Variants in KDM4C observed in about 807,000 individuals in gnomAD.
KDM4C encodes the protein lysine demethylase 4C.
A neutral mutation model predicts 129.3 loss-of-function variants in KDM4C; 81 were observed. The observed-to-expected ratio is 0.63, with a 90% confidence interval of 0.52 to 0.75. KDM4C has a LOEUF of 0.75. Among genes scored for constraint, KDM4C ranks in the 30% least tolerant of loss-of-function variants. The pLI is 0.00. For synonymous variants in KDM4C, 573 were observed against 456.1 expected, an observed-to-expected ratio of 1.26 and a Z score of -3.26; for missense variants, 1,457 against 1,304.0, an observed-to-expected ratio of 1.12 and a Z score of -1.81.
At chr9:7,135,931 A>T (rs943457869) in intron 19 of KDM4C, among the ~76,000 whole-genome samples, 31 of 152,210 alleles carry the variant, frequency 2.0e-4, no homozygotes, top group African/African-American at 7.2e-4. Context: ...GCTGCTCCAC[A>T]CTGATGCAGT....
At chr9:7,093,343 T>C (rs1455033218) in intron 17 of KDM4C, among the ~76,000 whole-genome samples, 1 of 152,118 alleles carries the variant, frequency 6.6e-6, no homozygotes, top group Non-Finnish European at 1.5e-5. Flanking sequence ...ATAATCAGGG[T>C]TTATGCTCCA....
chr9:7,123,737 G>A (rs1839746694), intron 18 of KDM4C, among the ~76,000 whole-genome samples: 1 of 152,180 alleles, frequency 6.6e-6, no homozygotes, highest in Admixed American at 6.5e-5. Context: ...CCCTGGGGAT[G>A]GAGAGGAGAC....
At chr9:7,123,143 AG>A (rs1286782348) in intron 18 of KDM4C, among the ~76,000 whole-genome samples, 2 of 152,178 alleles carry the variant, frequency 1.3e-5, no homozygotes, top group African/African-American at 4.8e-5. Flanking sequence ...ATTTAGATGA[AG>A]GTTGTGTATT....
chr9:6,754,437 T>C (rs1406888342), upstream of KDM4C, among the ~76,000 whole-genome samples: 2 of 152,186 alleles, frequency 1.3e-5, no homozygotes, highest in African/African-American at 4.8e-5. Flanking sequence ...GGTCTTGAAC[T>C]CCTGACCTTA....
At chr9:7,072,267 AC>A (rs951996207) in intron 17 of KDM4C, among the ~76,000 whole-genome samples, 22 of 152,206 alleles carry the variant, frequency 1.4e-4, no homozygotes, top group Admixed American at 9.2e-4. Flanking sequence ...AATTAAACTT[AC>A]AATTTAGCAT....
At chr9:6,762,019 C>T (rs1299868845) in intron 1 of KDM4C, among the ~76,000 whole-genome samples, 5 of 151,922 alleles carry the variant, frequency 3.3e-5, no homozygotes, top group East Asian at 3.9e-4. Flanking sequence ...AGGATGGTCT[C>T]GATCTCCTGA....
intron 7 of KDM4C, among the ~76,000 whole-genome samples, chr9:6,889,924 G>A (rs1845881666): frequency 6.6e-6 from 1 of 152,210 alleles, no homozygotes; most frequent in South Asian, 2.1e-4. Flanking sequence ...CTCTCTACCA[G>A]TACTACATGG....
At chr9:6,857,803 G>A (rs1840141130) in intron 5 of KDM4C, among the ~76,000 whole-genome samples, 1 of 149,534 alleles carries the variant, frequency 6.7e-6, no homozygotes, top group Admixed American at 6.7e-5. Flanking sequence ...TGCTCAGATT[G>A]GAGTGCAGTG....
intron 15 of KDM4C, among the ~76,000 whole-genome samples, chr9:7,044,964 AGTGTT>A (rs1171574394): frequency 6.6e-6 from 1 of 152,012 alleles, no homozygotes; most frequent in Non-Finnish European, 1.5e-5. Context: ...AAGGATCAAC[AGTGTT>A]GTATGGTGCT....
intron 17 of KDM4C, among the ~76,000 whole-genome samples, chr9:7,098,900 T>TA (rs59999374): frequency 0.16 from 24,177 of 152,156 alleles, 2,543 homozygotes; most frequent in Admixed American, 0.29. Context: ...CAGGTAGGGT[T>TA]AAAAATCAAA....
intron 2 of KDM4C, among the ~76,000 whole-genome samples, chr9:6,793,542 CTT>C (rs921927883): frequency 8.0e-5 from 11 of 137,584 alleles, no homozygotes; most frequent in Non-Finnish European, 1.2e-4. Flanking sequence ...TTCTTTCTTT[CTT>C]TTTTTTTTTT....
At chr9:7,081,108 T>C (rs1834472815) in intron 17 of KDM4C, among the ~76,000 whole-genome samples, 1 of 152,228 alleles carries the variant, frequency 6.6e-6, no homozygotes, top group Non-Finnish European at 1.5e-5. Context: ...GGCAGGTGAA[T>C]GGGAAGGCTG....
chr9:6,820,022 T>C (rs1474442138), intron 4 of KDM4C, among the ~76,000 whole-genome samples: 4 of 151,732 alleles, frequency 2.6e-5, no homozygotes, highest in African/African-American at 7.3e-5. Flanking sequence ...AGCCGTTTTT[T>C]GGTGGGGGTG....
At chr9:6,939,086 C>G (rs1035296718) in intron 8 of KDM4C, among the ~76,000 whole-genome samples, 5 of 151,576 alleles carry the variant, frequency 3.3e-5, no homozygotes, top group African/African-American at 1.2e-4. Flanking sequence ...CCTAACAGGC[C>G]ACAGACTGCT....
At chr9:7,001,717 G>T (rs568234240) in intron 12 of KDM4C, among the ~76,000 whole-genome samples, 48 of 152,036 alleles carry the variant, frequency 3.2e-4, no homozygotes, top group Non-Finnish European at 5.0e-4. Context: ...TTACATAGAT[G>T]ACCAAAGCTG....
At chr9:6,827,286 C>T (rs757089464) in intron 4 of KDM4C, among the ~76,000 whole-genome samples, 10 of 152,208 alleles carry the variant, frequency 6.6e-5, no homozygotes, top group African/African-American at 2.4e-4. Context: ...TGCTCTCTCT[C>T]GTTCCTTCCA....
intron 1 of KDM4C, among the ~76,000 whole-genome samples, chr9:6,763,302 TC>T (rs1588113612): frequency 6.6e-6 from 1 of 152,112 alleles, no homozygotes; most frequent in East Asian, 1.9e-4. Context: ...ATGCTGTTGT[TC>T]CCTGTGCCTG....
chr9:7,019,713 A>AAAAATATAATATTTTTATATAT (rs1563992863), intron 15 of KDM4C, among the ~76,000 whole-genome samples: 11 of 105,366 alleles, frequency 1.0e-4, no homozygotes, highest in African/African-American at 3.9e-4. Context: ...TTTTATATAT[A>AAAAATATAATATTTTTATATAT]AAAATATAAT....
At chr9:6,814,268 C>G (rs1180339205) in intron 3 of KDM4C, among the ~76,000 whole-genome samples, 1 of 152,008 alleles carries the variant, frequency 6.6e-6, no homozygotes, top group Non-Finnish European at 1.5e-5. Context: ...CAGTGTTTCT[C>G]TAAGTGTTAT....
Sources: allele counts gnomAD v4.1 joint callset (sites outside exome capture counted in the v4.1 genomes callset), GRCh38; gene constraint gnomAD v4.1.1; transcripts MANE v1.5; gene names NCBI Gene and HGNC (gene_info 2026-07-23, HGNC 2026-07-21).